TMEM178B: variants seen among roughly 807,000 people sequenced by gnomAD.
TMEM178B encodes transmembrane protein 178B.
In TMEM178B, 5 loss-of-function variants were observed where a neutral mutation model predicts 31.0. The ratio of observed to expected loss-of-function variants is 0.16; its 90% CI spans 0.08 to 0.34. TMEM178B has a LOEUF of 0.34. Among genes scored for constraint, TMEM178B ranks in the 10% least tolerant of loss-of-function variants. TMEM178B has a pLI of 1.00. For missense variants in TMEM178B, 275 were observed against 400.3 expected (o/e 0.69, Z 2.67); for synonymous variants, 164 against 164.0 (o/e 1.00, Z 0.00).
chr7:141,286,123 A>G (rs1457340890), intron 2 of TMEM178B, among the ~76,000 whole-genome samples: 1 of 152,156 alleles, frequency 6.6e-6, no homozygotes, highest in East Asian at 1.9e-4. Context: ...TTAAAAAGAA[A>G]AAAAAAGAAA....
At position 141,213,687 on chromosome 7, in the gene TMEM178B, G is replaced by A. The variant is rs142271277; in HGVS notation, c.496+983G>A. Among the ~76,000 whole-genome samples the A allele has an allele frequency of 5.7e-3, 862 of 152,240 alleles. 2 individuals are homozygous for A. Among genetic ancestry groups the A allele is most frequent in the South Asian group, 0.011 (52 of 4,822 alleles). ...TTATAGGTGCTTAGTTATCTTTTTC[G>A]TCGATTAGGCCCACCAGGTGTATTC... is the stretch of plus-strand genomic sequence containing the variant. On this transcript the variant is annotated intron_variant, in intron 2 of 3. Coordinates refer to ENST00000565468, the MANE Select transcript of TMEM178B (RefSeq NM_001195278.2).
intron 1 of TMEM178B, among the ~76,000 whole-genome samples, chr7:141,125,727 A>G (rs1795482124): frequency 6.6e-6 from 1 of 152,000 alleles, no homozygotes; most frequent in African/African-American, 2.4e-5. Context: ...AGTGAAGTCC[A>G]GTGCCACAAG....
chr7:141,385,794 C>G (rs1800420427), intron 2 of TMEM178B, among the ~76,000 whole-genome samples: 1 of 152,144 alleles, frequency 6.6e-6, no homozygotes, highest in South Asian at 2.1e-4. Context: ...GTTACCAGTC[C>G]CTTGGGTCCA....
chr7:141,420,950 A>G (rs1381480836), intron 2 of TMEM178B, among the ~76,000 whole-genome samples: 2 of 152,144 alleles, frequency 1.3e-5, no homozygotes, highest in African/African-American at 4.8e-5. Context: ...GTAGCAAGGA[A>G]TGTTATTCTG....
intron 1 of TMEM178B, among the ~76,000 whole-genome samples, chr7:141,205,980 G>A (rs1181038898): frequency 6.6e-6 from 1 of 152,200 alleles, no homozygotes; most frequent in Non-Finnish European, 1.5e-5. Context: ...TGGGGCTACT[G>A]TGTGGGAAAA....
chr7:141,274,499 T>C (rs1025941817), intron 2 of TMEM178B, among the ~76,000 whole-genome samples: 2 of 152,184 alleles, frequency 1.3e-5, no homozygotes, highest in African/African-American at 4.8e-5. Context: ...TACCTGGGCC[T>C]GGGGCTGAAG....
intron 1 of TMEM178B, among the ~76,000 whole-genome samples, chr7:141,104,396 T>C (rs1300354223): frequency 1.3e-5 from 2 of 152,162 alleles, no homozygotes; most frequent in African/African-American, 4.8e-5. Flanking sequence ...CAAGAATATA[T>C]TAGAAGATGT....
intron 1 of TMEM178B, among the ~76,000 whole-genome samples, chr7:141,159,412 T>C (rs1449017219): frequency 6.6e-6 from 1 of 152,146 alleles, no homozygotes; most frequent in Non-Finnish European, 1.5e-5. Flanking sequence ...AAATTAAATA[T>C]AGAACTACTG....
chr7:141,493,817 A>AT, the TMEM178B span, among the ~76,000 whole-genome samples: 6,711 of 152,130 alleles, frequency 0.044, 463 homozygotes, highest in African/African-American at 0.15. Context: ...TGGAATATAC[A>AT]TTTTTCTCTA....
intron 1 of TMEM178B, among the ~76,000 whole-genome samples, chr7:141,114,297 A>AGCT (rs1405016709): frequency 1.3e-5 from 2 of 152,298 alleles, no homozygotes; most frequent in East Asian, 3.9e-4. Flanking sequence ...ATCTCTCTTC[A>AGCT]GCTGCACTGT....
intron 2 of TMEM178B, among the ~76,000 whole-genome samples, chr7:141,250,886 A>G (rs1437999521): frequency 1.3e-5 from 2 of 152,176 alleles, no homozygotes; most frequent in Non-Finnish European, 2.9e-5. Flanking sequence ...TTCTGAAAGC[A>G]TTTAGGTCCA....
At chr7:141,138,923 G>T (rs1041109213) in intron 1 of TMEM178B, among the ~76,000 whole-genome samples, 2 of 151,948 alleles carry the variant, frequency 1.3e-5, no homozygotes, top group Admixed American at 6.6e-5. Context: ...GGCAGAGCTT[G>T]CAGTGAGCTG....
chr7:141,292,632 A>C (rs1166036738), intron 2 of TMEM178B, among the ~76,000 whole-genome samples: 3 of 112,480 alleles, frequency 2.7e-5, no homozygotes, highest in Non-Finnish European at 5.6e-5. Context: ...TTGCTTTTAG[A>C]TCTTTTTTTT....
At chr7:141,239,043 CGGTAGGAGCT>C (rs1563127830) in intron 2 of TMEM178B, among the ~76,000 whole-genome samples, 1 of 152,050 alleles carries the variant, frequency 6.6e-6, no homozygotes, top group African/African-American at 2.4e-5. Context: ...CTGCAGGAGC[CGGTAGGAGCT>C]AGGTTTTTTT....
At chr7:141,314,092 C>A (rs1798959601) in intron 2 of TMEM178B, among the ~76,000 whole-genome samples, 1 of 152,242 alleles carries the variant, frequency 6.6e-6, no homozygotes, top group African/African-American at 2.4e-5. Flanking sequence ...CACCACCTGA[C>A]ATCTCTTTCA....
chr7:141,233,592 TG>T (rs1438754534), intron 2 of TMEM178B, among the ~76,000 whole-genome samples: 1 of 152,208 alleles, frequency 6.6e-6, no homozygotes, highest in East Asian at 1.9e-4. Context: ...CATGTCCCAC[TG>T]GGGTATGTGT....
At chr7:141,374,737 C>G (rs1005098914) in intron 2 of TMEM178B, among the ~76,000 whole-genome samples, 2 of 152,188 alleles carry the variant, frequency 1.3e-5, no homozygotes, top group Non-Finnish European at 2.9e-5. Flanking sequence ...CCGGTGTTTA[C>G]TTTTGTAGGC....
intron 1 of TMEM178B, among the ~76,000 whole-genome samples, chr7:141,125,443 G>A (rs1414168674): frequency 6.6e-6 from 1 of 152,084 alleles, no homozygotes; most frequent in Non-Finnish European, 1.5e-5. Flanking sequence ...AGCACTTTGG[G>A]AGGCCGAGGA....
chr7:141,409,291 G>T (rs1168005170), intron 2 of TMEM178B, among the ~76,000 whole-genome samples: 5 of 152,136 alleles, frequency 3.3e-5, no homozygotes, highest in Non-Finnish European at 7.3e-5. Flanking sequence ...GTTCCCAGAT[G>T]CATTTTATTT....
Sources: allele counts gnomAD v4.1 joint callset (sites outside exome capture counted in the v4.1 genomes callset), GRCh38; gene constraint gnomAD v4.1.1; transcripts MANE v1.5; gene names NCBI Gene and HGNC (gene_info 2026-07-23, HGNC 2026-07-21).